The following SLC22A3 variants were observed in gnomAD, a reference collection of about 807,000 sequenced individuals.
SLC22A3 encodes solute carrier family 22 member 3.
SLC22A3 carries 51 observed loss-of-function variants against 59.1 expected under a neutral mutation model. That is an observed-to-expected ratio of 0.86 (90% CI 0.69 to 1.09). The LOEUF (loss-of-function observed/expected upper bound fraction) is 1.09, where lower values mean the gene tolerates loss of function less well. Among genes scored for constraint, SLC22A3 ranks in the 50% least tolerant of loss-of-function variants. The pLI is 0.00. For missense variants in SLC22A3, 711 were observed against 726.3 expected, an observed-to-expected ratio of 0.98 and a Z score of 0.24; for synonymous variants, 325 against 292.0, an observed-to-expected ratio of 1.11 and a Z score of -1.15.
At chr6:160,376,673 G>A (rs1376899584) in intron 1 of SLC22A3, among the ~76,000 whole-genome samples, 3 of 152,230 alleles carry the variant, frequency 2.0e-5, no homozygotes, top group Admixed American at 1.3e-4. Context: ...CTGCTGCATC[G>A]CTCTATGCTA....
intron 2 of SLC22A3, among the ~76,000 whole-genome samples, chr6:160,403,489 T>C (rs1171283085): frequency 1.3e-5 from 2 of 151,916 alleles, no homozygotes; most frequent in African/African-American, 4.8e-5. Context: ...ACTCTACCAA[T>C]TCCCTAAAAG....
intron 3 of SLC22A3, 104 bp downstream of exon 3, chr6:160,407,299 G>T: frequency 8.1e-7 from 1 of 1,240,012 alleles, no homozygotes; most frequent in Non-Finnish European, 1.1e-6. Context: ...CTTTAACAAA[G>T]GAGGTTTCAC....
At chr6:160,362,349 CA>C (rs1186260696) in intron 1 of SLC22A3, among the ~76,000 whole-genome samples, 1 of 152,260 alleles carries the variant, frequency 6.6e-6, no homozygotes, top group Non-Finnish European at 1.5e-5. Flanking sequence ...CTTCTGTCTT[CA>C]AGGAGCACTT....
In SLC22A3 at chr6:160,368,224, C is replaced by T. The variant is rs411493; in HGVS notation, c.429+19376C>T. ...AGAAAATAGAAAACTTGGAATAATA[C>T]GCTTCTTCGATGTCCTGCACCAGGA... On this transcript the variant is annotated intron_variant, in intron 1 of 10. Coordinates refer to ENST00000275300, the MANE Select transcript of SLC22A3 (RefSeq NM_021977.4). Among the ~76,000 whole-genome samples the T allele has an allele frequency of 5.2e-3, 796 of 152,246 alleles. 12 individuals are homozygous for T. The East Asian group carries it at 0.062, about 12-fold the overall frequency.
At chr6:160,440,785 T>A (rs1035683527) in intron 7 of SLC22A3, among the ~76,000 whole-genome samples, 1 of 152,186 alleles carries the variant, frequency 6.6e-6, no homozygotes, top group African/African-American at 2.4e-5. Flanking sequence ...TGTTCCAGTA[T>A]AGTTTGATAC....
chr6:160,358,119 T>G (rs1304119910), intron 1 of SLC22A3, among the ~76,000 whole-genome samples: 1 of 152,214 alleles, frequency 6.6e-6, no homozygotes, highest in East Asian at 1.9e-4. Flanking sequence ...GTGAAAAAAT[T>G]ATCAAATTTT....
chr6:160,449,403 CATTA>C (rs771970622), intron 10 of SLC22A3, among the ~76,000 whole-genome samples: 72 of 151,920 alleles, frequency 4.7e-4, no homozygotes, highest in African/African-American at 1.7e-3. Flanking sequence ...AAGTTGGGTA[CATTA>C]ATTAATTATA....
intron 1 of SLC22A3, among the ~76,000 whole-genome samples, chr6:160,375,870 G>A (rs908363872): frequency 4.6e-5 from 7 of 152,114 alleles, no homozygotes; most frequent in Non-Finnish European, 1.0e-4. Context: ...AGAGGTCTGA[G>A]TTTAGGCTTC....
At chr6:160,352,843 A>T (rs1446492021) in intron 1 of SLC22A3, among the ~76,000 whole-genome samples, 2 of 152,162 alleles carry the variant, frequency 1.3e-5, no homozygotes, top group Non-Finnish European at 2.9e-5. Flanking sequence ...TTGTTTTTTG[A>T]CAAAGTCTCG....
intron 1 of SLC22A3, among the ~76,000 whole-genome samples, chr6:160,380,579 T>C (rs990805473): frequency 5.9e-5 from 9 of 152,138 alleles, no homozygotes; most frequent in Non-Finnish European, 1.3e-4. Context: ...TAGACAAAGG[T>C]CTAGAAAAAT....
At position 160,348,458 on chromosome 6, in the gene SLC22A3, G is replaced by A; in HGVS notation, c.39G>A (p.Glu13=). 1 of 1,537,082 alleles carries A rather than the reference G, an allele frequency of 6.5e-7. No individual in the cohort carries two copies. ...ACGAGGCGCTGCAGCGGGTGGGCGA[G>A]TTCGGGCGCTTCCAGAGGCGCGTGT... ...SFDEALQRVG[E]FGRFQRRVFL... The change falls in exon 1 of 11, where the codon GAG becomes GAA. Residue 13 remains glutamate, a synonymous_variant. Coordinates refer to ENST00000275300, the MANE Select transcript of SLC22A3 (RefSeq NM_021977.4).
chr6:160,350,160 G>A (rs3120137), intron 1 of SLC22A3, among the ~76,000 whole-genome samples: 13,750 of 149,914 alleles, frequency 0.092, 947 homozygotes, highest in Non-Finnish European at 0.15. Context: ...CTGTAACGCC[G>A]TGTGCTGCTG....
intron 1 of SLC22A3, among the ~76,000 whole-genome samples, chr6:160,354,241 G>C (rs920219673): frequency 2.0e-5 from 3 of 152,214 alleles, no homozygotes; most frequent in African/African-American, 7.2e-5. Flanking sequence ...CTAAATCCCA[G>C]CTCCTCTATT....
Position 160,408,855 on chromosome 6 carries a change from T to C in SLC22A3, c.791T>C (p.Ile264Thr). The C allele has an allele frequency of 6.2e-7, 1 of 1,613,814 alleles. No individual in the cohort carries two copies. Among genetic ancestry groups the C allele is most frequent in the Non-Finnish European group, 8.5e-7 (1 of 1,179,848 alleles). ...IIILPGIAYF[I>T]PNWQGIQLAI... ...ATTCTCCCTGGAATTGCCTACTTCA[T>C]CCCCAACTGGCAAGGAATCCAGTTA... The change falls in exon 4 of 11, where the codon ATC becomes ACC. Residue 264 changes from isoleucine (I) to threonine (T), a missense_variant. Ile to Thr is a moderately conservative substitution (Grantham distance 89). Transcript: ENST00000275300.
chr6:160,364,408 A>G (rs1449869975), intron 1 of SLC22A3, among the ~76,000 whole-genome samples: 1 of 152,226 alleles, frequency 6.6e-6, no homozygotes, highest in Non-Finnish European at 1.5e-5. Flanking sequence ...TGGTGGCACC[A>G]CATGTGACAC....
rs1031631691 is a variant in SLC22A3, at chr6:160,452,421, T to C, written c.*1365T>C. On this transcript the variant is annotated 3_prime_UTR_variant, in exon 11 of 11. Transcript: ENST00000275300. ...TTGTCGATGAAATAAACACAACTCT[T>C]TGAGGATTTGAGACTACATTCACCC... The C allele has an allele frequency of 2.6e-5, 4 of 152,178 alleles. No individual in the cohort carries two copies. The highest frequency in any genetic ancestry group is 6.5e-5 in the Admixed American group (1 of 15,268). 9.4% of individuals were successfully genotyped at this position (152,178 alleles called of 1,614,324 possible).
rs111529994 is a variant in SLC22A3 at position 160,378,314 on chromosome 6, G to T, written c.430-19665G>T. Among the ~76,000 whole-genome samples, 461 of 152,296 alleles carry T rather than the reference G, an allele frequency of 3.0e-3. 7 individuals are homozygous for T. The highest frequency in any genetic ancestry group is 0.014 in the Middle Eastern group (4 of 294). ...AGGCTAGTTTTCATATTCTGGAAAG[G>T]TGGATTTTCATATGGCACTGGTGCT... On this transcript the variant is annotated intron_variant, in intron 1 of 10. Transcript: ENST00000275300.
chr6:160,383,146 A>G (rs1397850346), intron 1 of SLC22A3, among the ~76,000 whole-genome samples: 1 of 152,228 alleles, frequency 6.6e-6, no homozygotes, highest in Non-Finnish European at 1.5e-5. Flanking sequence ...CATTTACCAC[A>G]ACTGGATTTG....
chr6:160,382,709 T>G (rs554431873), intron 1 of SLC22A3, among the ~76,000 whole-genome samples: 9 of 152,328 alleles, frequency 5.9e-5, no homozygotes, highest in Non-Finnish European at 1.2e-4. Flanking sequence ...AAACTGACTC[T>G]AAATAGGCCT....
Sources: allele counts gnomAD v4.1 joint callset (sites outside exome capture counted in the v4.1 genomes callset), GRCh38; gene constraint gnomAD v4.1.1; transcripts MANE v1.5; gene names NCBI Gene and HGNC (gene_info 2026-07-23, HGNC 2026-07-21).